Variants in CFAP61 observed in about 807,000 individuals in gnomAD.
CFAP61 encodes cilia and flagella associated protein 61, also known as cilia- and flagella-associated protein 61.
A neutral mutation model predicts 135.6 loss-of-function variants in CFAP61; 107 were observed. The observed-to-expected ratio is 0.79, with a 90% CI of 0.67 to 0.93. The LOEUF (loss-of-function observed/expected upper bound fraction) is 0.93, where lower values mean the gene tolerates loss of function less well. CFAP61 is among the 40% of genes least tolerant of loss of function. The pLI is 0.00. For synonymous variants in CFAP61, 575 were observed against 578.5 expected (o/e 0.99, Z 0.09); for missense variants, 1,507 against 1,556.2 (o/e 0.97, Z 0.53).
intron 25 of CFAP61, 43 bp downstream of exon 25, chr20:20,298,429 A>T (rs762686968): frequency 2.6e-6 from 4 of 1,513,342 alleles, no homozygotes; most frequent in Non-Finnish European, 3.7e-6. Flanking sequence ...ATACAAATAT[A>T]TATATAATGT....
At chr20:20,171,100 A>C (rs2054185669) in intron 13 of CFAP61, among the ~76,000 whole-genome samples, 1 of 152,218 alleles carries the variant, frequency 6.6e-6, no homozygotes, top group East Asian at 1.9e-4. Flanking sequence ...GTTAGCTTAC[A>C]GAGCCAACTC....
chr20:20,083,334 G>A (rs545648258), intron 6 of CFAP61, among the ~76,000 whole-genome samples: 40 of 151,960 alleles, frequency 2.6e-4, no homozygotes, highest in South Asian at 1.0e-3. Context: ...GACCGTGGGG[G>A]CTGGGGAGGG....
chr20:20,160,855 A>G (rs8118582), intron 10 of CFAP61, among the ~76,000 whole-genome samples: 57,560 of 152,010 alleles, frequency 0.38, 11,058 homozygotes, highest in Middle Eastern at 0.55. Flanking sequence ...TCAGCCAGTG[A>G]CTGAAGGGAT....
At position 20,218,826 on chromosome 20, in the gene CFAP61, A is replaced by C. The variant is rs1047562930; in HGVS notation, c.1933-9423A>C. Reference sequence around the variant, plus strand: ...TAAGCTCTGCTAAAGTTTTGGTGGTAGAATTTCAGACATCAGGATACTGAA... The same window carrying C: ...TAAGCTCTGCTAAAGTTTTGGTGGTCGAATTTCAGACATCAGGATACTGAA... On this transcript the variant is annotated intron_variant, in intron 17 of 26. Transcript: ENST00000245957. Among the ~76,000 whole-genome samples, 3 of 152,372 alleles carry C rather than the reference A, an allele frequency of 2.0e-5. No individual in the cohort carries two copies. The South Asian group carries it at 6.2e-4, about 32-fold the overall frequency.
Position 20,169,379 on chromosome 20 carries a change from A to G in CFAP61, c.1304A>G (p.Gln435Arg). The G allele has an allele frequency of 6.2e-7, 1 of 1,614,016 alleles. No individual in the cohort carries two copies. Among genetic ancestry groups the G allele is most frequent in the Non-Finnish European group, 8.5e-7 (1 of 1,179,986 alleles). Residue 435 changes from glutamine to arginine, a missense_variant, in exon 13 of 27, where the codon CAG becomes CGG. Transcript: ENST00000245957. The stretch of plus-strand genomic sequence containing the variant: ...CTCACCCCCGAGTTCTTCCTCATCC[A>G]GAACTTCGTGAAAATGGTCCCTTTC... Reference protein sequence around the residue: ...PHLTPEFFLIQNFVKMVPFNT... With the variant: ...PHLTPEFFLIRNFVKMVPFNT...
chr20:20,081,366 C>A (rs1450333801), intron 6 of CFAP61, among the ~76,000 whole-genome samples: 1 of 152,180 alleles, frequency 6.6e-6, no homozygotes, highest in South Asian at 2.1e-4. Flanking sequence ...TAATTAAGGA[C>A]TTTCAACTTA....
intron 10 of CFAP61, among the ~76,000 whole-genome samples, chr20:20,161,778 G>A (rs1284007404): frequency 6.6e-6 from 1 of 152,184 alleles, no homozygotes; most frequent in African/African-American, 2.4e-5. Context: ...TTTAGCCTGT[G>A]CTGCATGGGC....
chr20:20,335,912 G>C lies in CFAP61; in HGVS notation c.3423-5919G>C, dbSNP rs190831993. On this transcript the variant is annotated intron_variant, in intron 25 of 26. Coordinates refer to ENST00000245957, the MANE Select transcript of CFAP61 (RefSeq NM_015585.4). ...CAGAGCATGGGTTACACAGAACTAT[G>C]GGTAGGACCTAGTTCAGCCACTTAT... Among the ~76,000 whole-genome samples, 13 of 152,302 alleles carry C rather than the reference G, an allele frequency of 8.5e-5. No individual in the cohort carries two copies. In the East Asian group the frequency reaches 2.3e-3, roughly 27 times the overall value.
chr20:20,338,291 C>T (rs1313070914), intron 25 of CFAP61, among the ~76,000 whole-genome samples: 2 of 152,190 alleles, frequency 1.3e-5, no homozygotes, highest in East Asian at 1.9e-4. Flanking sequence ...TAAGGAAACC[C>T]GCAGGCCTCC....
chr20:20,111,600 G>A (rs1218873789), intron 8 of CFAP61, among the ~76,000 whole-genome samples: 7 of 152,146 alleles, frequency 4.6e-5, no homozygotes, highest in African/African-American at 1.7e-4. Context: ...TTACAAGGAG[G>A]ACAGATTCTC....
intron 8 of CFAP61, among the ~76,000 whole-genome samples, chr20:20,131,167 A>G (rs2050496747): frequency 6.6e-6 from 1 of 151,426 alleles, no homozygotes; most frequent in Non-Finnish European, 1.5e-5. Context: ...TCTCTTTCTC[A>G]TATTTGAGTT....
chr20:20,184,075 T>C (rs1035513528), intron 13 of CFAP61, among the ~76,000 whole-genome samples: 1 of 152,230 alleles, frequency 6.6e-6, no homozygotes, highest in Non-Finnish European at 1.5e-5. Flanking sequence ...TGAACATTTA[T>C]TGGGCACCAC....
At chr20:20,262,433 A>G (rs1377197609) in intron 20 of CFAP61, among the ~76,000 whole-genome samples, 2 of 152,364 alleles carry the variant, frequency 1.3e-5, no homozygotes, top group African/African-American at 4.8e-5. Context: ...ACCCCAGCTC[A>G]GATCCAGCCC....
intron 13 of CFAP61, among the ~76,000 whole-genome samples, chr20:20,175,335 G>A (rs1375927117): frequency 2.0e-5 from 3 of 152,158 alleles, no homozygotes; most frequent in African/African-American, 4.8e-5. Context: ...CCAGGGATCG[G>A]CAGCAGCAGC....
At chr20:20,114,006 T>C (rs6046632) in intron 8 of CFAP61, among the ~76,000 whole-genome samples, 97,341 of 148,024 alleles carry the variant, frequency 0.66, 32,154 homozygotes, top group East Asian at 0.83. Flanking sequence ...CCATGGCTCA[T>C]GCCTGTAATT....
intron 25 of CFAP61, among the ~76,000 whole-genome samples, chr20:20,303,674 C>T (rs533809539): frequency 3.5e-4 from 54 of 152,222 alleles, no homozygotes; most frequent in Non-Finnish European, 7.2e-4. Context: ...ATTTTGGCCG[C>T]GATATGATTA....
intron 26 of CFAP61, among the ~76,000 whole-genome samples, chr20:20,355,860 G>C (rs1219634763): frequency 6.7e-6 from 1 of 149,802 alleles, no homozygotes; most frequent in Non-Finnish European, 1.5e-5. Context: ...ACACTGAGGG[G>C]AGGTAGTCAC....
At chr20:20,098,286 A>G (rs180752834) in intron 7 of CFAP61, among the ~76,000 whole-genome samples, 390 of 152,246 alleles carry the variant, frequency 2.6e-3, no homozygotes, top group Non-Finnish European at 3.7e-3. Flanking sequence ...AGGTTTCCTG[A>G]TGAGAATCAT....
intron 25 of CFAP61, among the ~76,000 whole-genome samples, chr20:20,314,371 G>A (rs2056990906): frequency 7.2e-6 from 1 of 139,006 alleles, no homozygotes; most frequent in Non-Finnish European, 1.5e-5. Flanking sequence ...CAGCCTGGGT[G>A]ACAGAGTGAG....
Sources: allele counts gnomAD v4.1 joint callset (sites outside exome capture counted in the v4.1 genomes callset), GRCh38; gene constraint gnomAD v4.1.1; transcripts MANE v1.5; gene names NCBI Gene and HGNC (gene_info 2026-07-23, HGNC 2026-07-21).